Variants in FAS observed in about 807,000 individuals in gnomAD.
FAS encodes the protein tumor necrosis factor receptor superfamily member 6.
FAS carries 5 observed loss-of-function variants against 33.2 expected under a neutral mutation model. The observed-to-expected ratio is 0.15, with a 90% CI of 0.08 to 0.32. The LOEUF is 0.32. FAS is among the 10% of genes least tolerant of loss of function. The pLI is 1.00. For missense variants in FAS, 339 were observed against 386.0 expected, an observed-to-expected ratio of 0.88 and a Z score of 1.02; for synonymous variants, 131 against 130.7, an observed-to-expected ratio of 1.00 and a Z score of -0.01.
At chr10:88,994,354 C>G (rs1218644863) in intron 1 of FAS, among the ~76,000 whole-genome samples, 1 of 151,960 alleles carries the variant, frequency 6.6e-6, no homozygotes, top group Non-Finnish European at 1.5e-5. Context: ...ATCTTGGGCC[C>G]CAAAAGTCCC....
chr10:88,969,592 G>A (rs1554843685), intron 1 of FAS, among the ~76,000 whole-genome samples: 1 of 151,468 alleles, frequency 6.6e-6, no homozygotes, highest in African/African-American at 2.4e-5. Context: ...TTTTTGGCTG[G>A]TTTACTCCTA....
upstream of FAS, among the ~76,000 whole-genome samples, chr10:88,988,186 T>C (rs1846964334): frequency 6.6e-6 from 1 of 152,130 alleles, no homozygotes; most frequent in Non-Finnish European, 1.5e-5. Context: ...ATCAAATAGT[T>C]AAGAAGAGGG....
At chr10:89,008,537 GGAGTAAGTCTGGGGTA>G (rs1260560990) in intron 3 of FAS, among the ~76,000 whole-genome samples, 1 of 152,194 alleles carries the variant, frequency 6.6e-6, no homozygotes, top group African/African-American at 2.4e-5. Flanking sequence ...TTGGCCTGAT[GGAGTAAGTCTGGGGTA>G]GAGCCTAACA....
At chr10:88,973,553 T>G (rs1311061243) in intron 2 of FAS, 1 of 357,488 alleles carries the variant, frequency 2.8e-6, no homozygotes, top group Non-Finnish European at 4.9e-6. Context: ...TGCAATGTTG[T>G]GTTTGTCACC....
intron 2 of FAS, among the ~76,000 whole-genome samples, chr10:88,980,105 T>C (rs907135252): frequency 1.3e-5 from 2 of 152,224 alleles, no homozygotes; most frequent in African/African-American, 4.8e-5. Flanking sequence ...TAAGTTTTGT[T>C]CACCACTTCT....
At chr10:88,977,597 C>G (rs1182298489) in intron 2 of FAS, among the ~76,000 whole-genome samples, 2 of 150,736 alleles carry the variant, frequency 1.3e-5, no homozygotes, top group African/African-American at 2.4e-5. Flanking sequence ...AGGACATGAA[C>G]AGACACTTCT....
At chr10:88,988,842 G>A (rs1267747903), upstream of FAS, among the ~76,000 whole-genome samples, 1 of 152,172 alleles carries the variant, frequency 6.6e-6, no homozygotes, top group African/African-American at 2.4e-5. Flanking sequence ...AGGGCCCTGA[G>A]AAGTTTTGGA....
chr10:88,965,477 T>G (rs1341585687), intron 1 of FAS, among the ~76,000 whole-genome samples: 1 of 152,178 alleles, frequency 6.6e-6, no homozygotes, highest in East Asian at 1.9e-4. Context: ...TTAGCACATT[T>G]CAGGATTATT....
At chr10:89,002,344 G>A (rs925763111) in intron 1 of FAS, among the ~76,000 whole-genome samples, 1 of 152,180 alleles carries the variant, frequency 6.6e-6, no homozygotes, top group Admixed American at 6.5e-5. Flanking sequence ...CTGGGTACTT[G>A]ATGATTTAAA....
chr10:88,994,914 G>C (rs539266771), intron 1 of FAS, among the ~76,000 whole-genome samples: 1 of 150,672 alleles, frequency 6.6e-6, no homozygotes, highest in Admixed American at 6.6e-5. Context: ...ACTTTTTCTT[G>C]TTACTAAAAA....
intron 1 of FAS, among the ~76,000 whole-genome samples, chr10:88,995,528 G>A (rs1847532470): frequency 1.3e-5 from 2 of 152,164 alleles, no homozygotes; most frequent in African/African-American, 2.4e-5. Context: ...TTTAGTATAA[G>A]ATTATACCTT....
At chr10:89,010,891 C>T (rs1848497089) in intron 6 of FAS, 76 bp downstream of exon 6, 1 of 1,544,858 alleles carries the variant, frequency 6.5e-7, no homozygotes, top group African/African-American at 1.4e-5. Context: ...CTCATTCTTA[C>T]CTATAAAAAG....
In FAS at chr10:89,015,924, A is replaced by C. The variant is rs771249484; in HGVS notation, c.*1474A>C. The C allele has an allele frequency of 3.5e-6, 1 of 285,758 alleles. No individual in the cohort carries two copies. The highest frequency in any genetic ancestry group is 6.7e-6 in the Non-Finnish European group (1 of 149,072). The allele number at this position is 285,758 out of a possible 1,614,324, so 17.7% of individuals were successfully genotyped here. On this transcript the variant is annotated 3_prime_UTR_variant, in exon 9 of 9. Coordinates refer to ENST00000652046, the MANE Select transcript of FAS (RefSeq NM_000043.6). ...CTTCCTTTTTAACCTTAACCCTTTT[A>C]GTAGTTAAATAATTATTTCCATAGG... is the stretch of plus-strand genomic sequence containing the variant.
rs1847156556 is a variant in FAS, at chr10:88,991,022, C to A, written c.30+116C>A. Reference sequence around the variant, plus strand: ...CGGCGGCAGCGGCGCACGCGGGCACCTGGGAGCGGCGGGCTGCTGCGGGAG... The same window carrying A: ...CGGCGGCAGCGGCGCACGCGGGCACATGGGAGCGGCGGGCTGCTGCGGGAG... On this transcript the variant is annotated intron_variant, in intron 1 of 8. Coordinates refer to ENST00000652046, the MANE Select transcript of FAS (RefSeq NM_000043.6). 2.1e-6 allele frequency: 3 copies of A among 1,431,306 alleles called. No homozygotes were observed. The East Asian group carries it at 7.1e-5, about 34-fold the overall frequency. The allele number at this position is 1,431,306 out of a possible 1,614,324, so 88.7% of individuals were successfully genotyped here.
chr10:89,016,545 A>C lies in FAS; in HGVS notation c.*2095A>C, dbSNP rs1306367306. The stretch of plus-strand genomic sequence containing the variant: ...AGTTCCTTTGGGAGGAAGACAGTGG[A>C]GAAGTCTTTGTACTTGGTGATGTGG... On this transcript the variant is annotated 3_prime_UTR_variant, in exon 9 of 9. Coordinates refer to ENST00000652046, the MANE Select transcript of FAS (RefSeq NM_000043.6). 1 of 226,886 alleles carries C rather than the reference A, an allele frequency of 4.4e-6. No homozygotes were observed. Among genetic ancestry groups the C allele is most frequent in the Admixed American group, 5.7e-5 (1 of 17,534 alleles). 14.1% of individuals were successfully genotyped at this position (226,886 alleles called of 1,614,324 possible). A position where few individuals can be genotyped will look rare whatever the true frequency, so the allele number is the denominator to read the frequency against.
chr10:88,966,285 T>G (rs1846316656), intron 1 of FAS, among the ~76,000 whole-genome samples: 1 of 152,204 alleles, frequency 6.6e-6, no homozygotes, highest in Non-Finnish European at 1.5e-5. Context: ...ATCCCAGGCT[T>G]ATGTCCTCAG....
upstream of FAS, among the ~76,000 whole-genome samples, chr10:88,985,956 T>C (rs964571834): frequency 1.3e-5 from 2 of 152,264 alleles, no homozygotes; most frequent in African/African-American, 4.8e-5. Flanking sequence ...AATAGTGGCA[T>C]ATTTATTTTT....
At position 89,013,024 on chromosome 10, in the gene FAS, A is replaced by G. The variant is rs3752986; in HGVS notation, c.652-319A>G. On this transcript the variant is annotated intron_variant, in intron 7 of 8. Transcript: ENST00000652046. ...GAATAGTTACAGGGAAGAAAATTTTAGAGTAGTTATATTTATTATTTATTT... is the reference window on the plus strand; with the variant it reads ...GAATAGTTACAGGGAAGAAAATTTTGGAGTAGTTATATTTATTATTTATTT... Among the ~76,000 whole-genome samples the G allele has an allele frequency of 0.41, 61,787 of 151,940 alleles. 12,608 individuals carry two copies. The highest frequency in any genetic ancestry group is 0.5 in the East Asian group (2,604 of 5,184).
At chr10:88,988,420 T>G (rs1241582137), upstream of FAS, among the ~76,000 whole-genome samples, 2 of 6,664 alleles carry the variant, frequency 3.0e-4, no homozygotes, top group Admixed American at 1.6e-3. Flanking sequence ...GTAGAAGTTT[T>G]TTTTTTTTTT....
Sources: gnomAD v4.1 joint callset for allele counts (sites outside exome capture counted in the v4.1 genomes callset) on GRCh38, gnomAD v4.1.1 for gene constraint, MANE v1.5 for transcripts, NCBI Gene and HGNC (gene_info 2026-07-23, HGNC 2026-07-21) for gene names.